PANK1: variants seen among roughly 807,000 people sequenced by gnomAD.
PANK1 encodes pantothenic acid kinase 1.
A neutral mutation model predicts 40.1 loss-of-function variants in PANK1; 18 were observed. The observed-to-expected ratio is 0.45, with a 90% CI of 0.31 to 0.67. The LOEUF is 0.67. Ranked by LOEUF, PANK1 falls within the 30% of genes least tolerant of loss-of-function variation. The pLI, the probability that PANK1 is intolerant of heterozygous loss-of-function variation, is 0.06. For missense variants in PANK1, 457 were observed against 599.6 expected (o/e 0.76, Z 2.48); for synonymous variants, 242 against 237.7 (o/e 1.02, Z -0.17).
chr10:89,615,587 T>C (rs1190993716), intron 1 of PANK1, among the ~76,000 whole-genome samples: 2 of 152,180 alleles, frequency 1.3e-5, no homozygotes, highest in African/African-American at 4.8e-5. Flanking sequence ...AATTATCTTA[T>C]CTCTGGGGTT....
chr10:89,599,183 T>G lies in PANK1; in HGVS notation c.899+69A>C, dbSNP rs1564621641. ...CTTTTAAAAATGTATTCAATATAAA[T>G]AACCTTTTACTATAAACTGGTCATC... On this transcript the variant is annotated intron_variant, in intron 3 of 6. Coordinates refer to ENST00000307534, the MANE Select transcript of PANK1 (RefSeq NM_148977.3). 20 of 1,409,522 alleles carry G rather than the reference T, an allele frequency of 1.4e-5. No individual in the cohort carries two copies. In the Admixed American group the frequency reaches 3.3e-4, roughly 23 times the overall value. The allele number at this position is 1,409,522 out of a possible 1,614,324, so 87.3% of individuals were successfully genotyped here.
At chr10:89,631,080 T>C (rs991088169) in intron 1 of PANK1, among the ~76,000 whole-genome samples, 4 of 152,260 alleles carry the variant, frequency 2.6e-5, no homozygotes, top group African/African-American at 9.6e-5. Context: ...CAAATGCCTG[T>C]ACACCATTAC....
intron 2 of PANK1, among the ~76,000 whole-genome samples, chr10:89,611,291 A>G (rs1207512550): frequency 3.9e-5 from 6 of 152,354 alleles, no homozygotes; most frequent in African/African-American, 1.4e-4. Flanking sequence ...GGTAGGATTC[A>G]TAGAAGCCTT....
chr10:89,641,691 C>T (rs1451833494), intron 1 of PANK1, among the ~76,000 whole-genome samples: 1 of 151,858 alleles, frequency 6.6e-6, no homozygotes, highest in East Asian at 1.9e-4. Context: ...AAGATCGTGC[C>T]ACTGCACTCC....
intron 6 of PANK1, among the ~76,000 whole-genome samples, chr10:89,588,418 T>C (rs1252105715): frequency 6.6e-6 from 1 of 152,210 alleles, no homozygotes; most frequent in Non-Finnish European, 1.5e-5. Flanking sequence ...ACTGTCCTAA[T>C]TTACATTTCC....
intron 6 of PANK1, among the ~76,000 whole-genome samples, chr10:89,587,065 G>A (rs1844217817): frequency 5.9e-5 from 9 of 152,032 alleles, no homozygotes; most frequent in Admixed American, 5.9e-4. Context: ...GGAGGTAGCA[G>A]TGAGCCAAGA....
chr10:89,586,944 TG>T (rs1216108145), intron 6 of PANK1, among the ~76,000 whole-genome samples: 1 of 152,126 alleles, frequency 6.6e-6, no homozygotes, highest in Non-Finnish European at 1.5e-5. Context: ...CTGGCCAACA[TG>T]GTGAAACCCT....
intron 5 of PANK1, among the ~76,000 whole-genome samples, chr10:89,590,096 A>G (rs571746600): frequency 6.6e-6 from 1 of 151,692 alleles, no homozygotes; most frequent in Non-Finnish European, 1.5e-5. Context: ...GAAGAATTGG[A>G]AAAAAAAGTT....
chr10:89,601,781 G>A lies in PANK1; in HGVS notation c.646-2276C>T, dbSNP rs79893543. On this transcript the variant is annotated intron_variant, in intron 2 of 6. Transcript: ENST00000307534. Reference sequence around the variant, plus strand: ...ACCAAGTGAAACTTCTGTATGAGATGTATGTAATTATACATGTTTTAAGAA... The same window carrying A: ...ACCAAGTGAAACTTCTGTATGAGATATATGTAATTATACATGTTTTAAGAA... Among the ~76,000 whole-genome samples, 181 of 152,302 alleles carry A rather than the reference G, an allele frequency of 1.2e-3. 2 individuals are homozygous for A. Among genetic ancestry groups the A allele is most frequent in the African/African-American group, 4.1e-3 (172 of 41,570 alleles).
chr10:89,612,000 A>G lies in PANK1; in HGVS notation c.341T>C (p.Val114Ala). 6.2e-7 allele frequency: 1 copy of G among 1,613,996 alleles called. No individual in the cohort carries two copies. Among genetic ancestry groups the G allele is most frequent in the Non-Finnish European group, 8.5e-7 (1 of 1,180,014 alleles). Residue 114 changes from valine (V) to alanine (A), a missense_variant, in exon 2 of 7, where the codon GTG (valine) becomes GCG (alanine). Physicochemically the swap from Val to Ala is moderately conservative, Grantham distance 64. This residue lies in a region of PANK1 where 286 missense variants were observed against 415.8 expected (regional missense o/e 0.69). Coordinates refer to ENST00000307534, the MANE Select transcript of PANK1 (RefSeq NM_148977.3). ...TGTAATATCCTTCGGCTCGAAATAC[A>G]CCAATTTAACCAGCGTTCCACCGAT... ...MDIGGTLVKL[V>A]YFEPKDITAE...
At chr10:89,623,526 T>C (rs1244417860) in intron 1 of PANK1, among the ~76,000 whole-genome samples, 2 of 88,130 alleles carry the variant, frequency 2.3e-5, no homozygotes, top group Non-Finnish European at 5.0e-5. Context: ...CCTGGCCCAA[T>C]TTTTTTTTTT....
Position 89,639,862 on chromosome 10 carries a change from T to G in PANK1, c.292+4738A>C, listed in dbSNP as rs151154610. 2.0e-5 allele frequency among the ~76,000 whole-genome samples: 3 copies of G among 152,358 alleles called. No homozygotes were observed. The East Asian group carries it at 5.8e-4, about 29-fold the overall frequency. On this transcript the variant is annotated intron_variant, in intron 1 of 6. Transcript: ENST00000307534. ...AACTTAGTGCCTAGCACATAGTAAG[T>G]GCTCCTCAATGTTGGCCACTGTTAC... is the stretch of plus-strand genomic sequence containing the variant.
chr10:89,595,545 C>G (rs538338621), intron 3 of PANK1, among the ~76,000 whole-genome samples: 1 of 151,380 alleles, frequency 6.6e-6, no homozygotes, highest in Non-Finnish European at 1.5e-5. Context: ...TGAGGCCAGG[C>G]GTGGTGGCTT....
At chr10:89,621,889 G>GT in intron 1 of PANK1, among the ~76,000 whole-genome samples, 1 of 152,090 alleles carries the variant, frequency 6.6e-6, no homozygotes, top group East Asian at 1.9e-4. Context: ...AATTTTTGTA[G>GT]TTTTAGTAGA....
At chr10:89,600,489 G>A (rs1844744247) in intron 2 of PANK1, among the ~76,000 whole-genome samples, 1 of 152,200 alleles carries the variant, frequency 6.6e-6, no homozygotes, top group East Asian at 1.9e-4. Context: ...AACATTCATT[G>A]CACACTGTTG....
At chr10:89,608,020 T>A (rs1244398508) in intron 2 of PANK1, among the ~76,000 whole-genome samples, 4 of 149,762 alleles carry the variant, frequency 2.7e-5, no homozygotes, top group East Asian at 2.1e-4. Flanking sequence ...GTTATGACAA[T>A]GATCCTAAAC....
intron 1 of PANK1, among the ~76,000 whole-genome samples, chr10:89,641,656 C>T (rs1212557560): frequency 6.6e-6 from 1 of 151,940 alleles, no homozygotes; most frequent in African/African-American, 2.4e-5. Context: ...GGCGTGAAGC[C>T]AGGAGGCGGA....
intron 1 of PANK1, among the ~76,000 whole-genome samples, chr10:89,630,717 C>G (rs1339040198): frequency 6.6e-6 from 1 of 152,194 alleles, no homozygotes; most frequent in African/African-American, 2.4e-5. Context: ...TGGTCTCGAT[C>G]TCCTGACCTC....
chr10:89,639,400 T>C (rs1841908390), intron 1 of PANK1, among the ~76,000 whole-genome samples: 1 of 152,158 alleles, frequency 6.6e-6, no homozygotes, highest in Non-Finnish European at 1.5e-5. Context: ...AACACATGAG[T>C]TCTGGGGGAC....
Sources: allele counts gnomAD v4.1 joint callset (sites outside exome capture counted in the v4.1 genomes callset), GRCh38; gene constraint gnomAD v4.1.1; regional missense constraint gnomAD v4.1.1; transcripts MANE v1.5; gene names NCBI Gene and HGNC (gene_info 2026-07-23, HGNC 2026-07-21).